Variants in PRKG1 observed in about 807,000 individuals in gnomAD.
PRKG1 encodes protein kinase cGMP-dependent 1.
PRKG1 carries 35 observed loss-of-function variants against 88.1 expected under a neutral mutation model. That is an observed-to-expected ratio of 0.40 (90% confidence interval 0.30 to 0.53). The LOEUF (loss-of-function observed/expected upper bound fraction) is 0.53, where lower values mean the gene tolerates loss of function less well. Among genes scored for constraint, PRKG1 ranks in the 20% least tolerant of loss-of-function variants. PRKG1 has a pLI of 0.59. For missense variants in PRKG1, 540 were observed against 839.8 expected, an observed-to-expected ratio of 0.64 and a Z score of 4.41; for synonymous variants, 303 against 292.5, an observed-to-expected ratio of 1.04 and a Z score of -0.37.
rs746221839 is a variant in PRKG1, at chr10:51,804,579, C to G, written c.593-6C>G. ...CCCTGTTTGTTTCTCTTTTATTTTT[C>G]TCCAGCTCTTGTAAATGTAAAACTC... On this transcript the variant is annotated splice_polypyrimidine_tract_variant and splice_region_variant and intron_variant, in intron 3 of 17. Coordinates refer to ENST00000373980, the MANE Select transcript of PRKG1 (RefSeq NM_006258.4). 6.4e-7 allele frequency: 1 copy of G among 1,559,816 alleles called. No individual in the cohort carries two copies. Among genetic ancestry groups the G allele is most frequent in the South Asian group, 1.1e-5 (1 of 89,536 alleles).
chr10:51,574,481 A>G lies in PRKG1; in HGVS notation c.592+106645A>G, dbSNP rs6650125. ...GAAACAAACCATGTCATATCTCTAA[A>G]TAATAACGCTGTTAAGCAGGCAAAT... On this transcript the variant is annotated intron_variant, in intron 3 of 17. Coordinates refer to ENST00000373980, the MANE Select transcript of PRKG1 (RefSeq NM_006258.4). 2.4e-3 allele frequency among the ~76,000 whole-genome samples: 371 copies of G among 152,088 alleles called. 3 individuals carry two copies. Among genetic ancestry groups the G allele is most frequent in the African/African-American group, 8.7e-3 (360 of 41,556 alleles).
chr10:51,499,309 G>C (rs1228787171), intron 3 of PRKG1, among the ~76,000 whole-genome samples: 1 of 152,134 alleles, frequency 6.6e-6, no homozygotes, highest in Non-Finnish European at 1.5e-5. Context: ...CATTACCATA[G>C]GATGTGTCAG....
At chr10:51,944,824 T>C (rs1434726986) in intron 5 of PRKG1, among the ~76,000 whole-genome samples, 2 of 152,042 alleles carry the variant, frequency 1.3e-5, no homozygotes, top group Non-Finnish European at 2.9e-5. Context: ...GAGAGATAGT[T>C]TGTTGTAATT....
At chr10:51,052,717 T>G (rs1203011717) in intron 1 of PRKG1, among the ~76,000 whole-genome samples, 7 of 152,190 alleles carry the variant, frequency 4.6e-5, no homozygotes, top group Non-Finnish European at 8.8e-5. Context: ...GAATGCTTCA[T>G]CAATAATATT....
chr10:51,482,643 C>G (rs1840396152), intron 3 of PRKG1, among the ~76,000 whole-genome samples: 1 of 152,134 alleles, frequency 6.6e-6, no homozygotes, highest in Non-Finnish European at 1.5e-5. Context: ...TTATATTGCT[C>G]ACCTTCACTC....
At chr10:51,545,843 C>T (rs1294377344) in intron 3 of PRKG1, among the ~76,000 whole-genome samples, 1 of 152,000 alleles carries the variant, frequency 6.6e-6, no homozygotes, top group East Asian at 1.9e-4. Flanking sequence ...TTTTTGACCT[C>T]CCAAGTCACC....
intron 4 of PRKG1, among the ~76,000 whole-genome samples, chr10:51,837,461 A>AT (rs922450170): frequency 4.4e-4 from 67 of 152,130 alleles, no homozygotes; most frequent in African/African-American, 1.5e-3. Context: ...GCTACCACAC[A>AT]TTTTTTTAAA....
intron 9 of PRKG1, among the ~76,000 whole-genome samples, chr10:52,196,823 C>G (rs571202113): frequency 6.6e-6 from 1 of 151,954 alleles, no homozygotes; most frequent in South Asian, 2.1e-4. Flanking sequence ...ATTTCAAAAC[C>G]TCTTTGAAAT....
intron 4 of PRKG1, among the ~76,000 whole-genome samples, chr10:51,896,134 T>C (rs1174053948): frequency 6.6e-6 from 1 of 152,118 alleles, no homozygotes. Flanking sequence ...CAAACACATA[T>C]GATTTGATTT....
intron 1 of PRKG1, among the ~76,000 whole-genome samples, chr10:51,095,730 G>C (rs1455040268): frequency 6.6e-6 from 1 of 152,150 alleles, no homozygotes; most frequent in African/African-American, 2.4e-5. Flanking sequence ...TTAGTTTGCT[G>C]TCTGCTTGAG....
chr10:52,058,599 C>T (rs948639701), intron 6 of PRKG1, among the ~76,000 whole-genome samples: 23 of 151,932 alleles, frequency 1.5e-4, no homozygotes, highest in Non-Finnish European at 4.4e-5. Context: ...GTGATGGAAC[C>T]ATTGGTAATC....
chr10:51,892,445 T>A (rs1470932458), intron 4 of PRKG1, among the ~76,000 whole-genome samples: 12 of 152,144 alleles, frequency 7.9e-5, no homozygotes, highest in Admixed American at 7.9e-4. Context: ...TCTGCCCATA[T>A]GTAGGCAGCA....
intron 3 of PRKG1, among the ~76,000 whole-genome samples, chr10:51,661,334 C>T (rs958277399): frequency 2.6e-5 from 4 of 152,028 alleles, no homozygotes; most frequent in African/African-American, 9.7e-5. Context: ...AATGAAATTC[C>T]TATTTTACCC....
At chr10:51,094,525 G>A (rs1844482503) in intron 1 of PRKG1, among the ~76,000 whole-genome samples, 1 of 151,914 alleles carries the variant, frequency 6.6e-6, no homozygotes, top group Non-Finnish European at 1.5e-5. Flanking sequence ...TTGGATCCCA[G>A]TGTGCTTTAG....
upstream of PRKG1, among the ~76,000 whole-genome samples, chr10:51,073,038 A>G (rs1446912815): frequency 6.6e-6 from 1 of 152,244 alleles, no homozygotes; most frequent in African/African-American, 2.4e-5. Context: ...AAGAATAGTA[A>G]TCAAAAATCT....
chr10:51,255,123 A>G (rs1589283520), intron 2 of PRKG1, among the ~76,000 whole-genome samples: 2 of 152,242 alleles, frequency 1.3e-5, no homozygotes, highest in African/African-American at 4.8e-5. Context: ...TGCCAAGTAT[A>G]AGCAGTAATA....
chr10:51,125,041 A>G (rs533575104), intron 1 of PRKG1, among the ~76,000 whole-genome samples: 1 of 152,254 alleles, frequency 6.6e-6, no homozygotes, highest in African/African-American at 2.4e-5. Context: ...CACTTGGCCA[A>G]GCATGGTGGC....
chr10:51,115,015 T>A (rs1845078375), intron 1 of PRKG1, among the ~76,000 whole-genome samples: 1 of 152,030 alleles, frequency 6.6e-6, no homozygotes, highest in Non-Finnish European at 1.5e-5. Flanking sequence ...GAAGCATACA[T>A]CTAAAGATTT....
At chr10:51,971,565 G>T (rs1471888688) in intron 5 of PRKG1, among the ~76,000 whole-genome samples, 1 of 151,962 alleles carries the variant, frequency 6.6e-6, no homozygotes, top group Non-Finnish European at 1.5e-5. Context: ...AAGAATAAAT[G>T]TTAAGAGTTT....
Sources: allele counts gnomAD v4.1 joint callset (sites outside exome capture counted in the v4.1 genomes callset), GRCh38; gene constraint gnomAD v4.1.1; transcripts MANE v1.5; gene names NCBI Gene and HGNC (gene_info 2026-07-23, HGNC 2026-07-21).